The following CDH23 variants were observed in gnomAD, a reference collection of about 807,000 sequenced individuals.
CDH23 encodes cadherin related 23, also known as cadherin-23.
CDH23 carries 189 observed loss-of-function variants against 317.1 expected under a neutral mutation model. That is an observed-to-expected ratio of 0.60 (90% CI 0.53 to 0.67). The LOEUF (loss-of-function observed/expected upper bound fraction) is 0.67, where lower values mean the gene tolerates loss of function less well. Among genes scored for constraint, CDH23 ranks in the 30% least tolerant of loss-of-function variants. The pLI, the probability that CDH23 is intolerant of heterozygous loss-of-function variation, is 0.00. For synonymous variants in CDH23, 1,839 were observed against 1,876.8 expected (o/e 0.98, Z 0.52); for missense variants, 4,401 against 4,592.4 (o/e 0.96, Z 1.20).
At chr10:71,441,573 G>A (rs934866159) in intron 2 of CDH23, among the ~76,000 whole-genome samples, 4 of 152,042 alleles carry the variant, frequency 2.6e-5, no homozygotes, top group African/African-American at 9.7e-5. Flanking sequence ...ACAAAAATTA[G>A]CTGGACATGG....
chr10:71,496,718 C>G (rs1308950655), intron 3 of CDH23, among the ~76,000 whole-genome samples: 1 of 152,192 alleles, frequency 6.6e-6, no homozygotes, highest in Non-Finnish European at 1.5e-5. Context: ...ATCATCAAGA[C>G]CCTGGATATC....
At position 71,806,173 on chromosome 10, in the gene CDH23, C is replaced by A. The variant is rs941177596; in HGVS notation, c.8070C>A (p.Ile2690=). ...CTGTGCTCTTCCGCTCCTAGCTCAT[C>A]TTGGTGGCCAGCGACCTGGGCCAGC... The part of the protein sequence containing the change: ...DRESQAVYSL[I]LVASDLGQPV... The change falls in exon 57 of 70, where the codon ATC becomes ATA. Residue 2690 remains isoleucine, a synonymous_variant. Transcript: ENST00000224721. 1 of 1,562,396 alleles carries A rather than the reference C, an allele frequency of 6.4e-7. No individual in the cohort carries two copies. The highest frequency in any genetic ancestry group is 1.7e-4 in the Middle Eastern group (1 of 6,006).
chr10:71,658,773 G>C (rs546280593), intron 14 of CDH23, among the ~76,000 whole-genome samples: 2 of 152,096 alleles, frequency 1.3e-5, no homozygotes, highest in Non-Finnish European at 1.5e-5. Flanking sequence ...GACCCCAGAC[G>C]GTCTGACCCC....
chr10:71,446,798 G>C (rs1202312739), intron 3 of CDH23, among the ~76,000 whole-genome samples: 1 of 152,178 alleles, frequency 6.6e-6, no homozygotes, highest in Non-Finnish European at 1.5e-5. Context: ...AACTATTTAG[G>C]GGGTGATTAT....
chr10:71,609,566 C>T (rs1860735353), intron 9 of CDH23, among the ~76,000 whole-genome samples: 1 of 152,216 alleles, frequency 6.6e-6, no homozygotes, highest in South Asian at 2.1e-4. Flanking sequence ...CTATCTGACC[C>T]TGCAGACCGT....
chr10:71,500,585 G>A (rs115456795), intron 3 of CDH23, among the ~76,000 whole-genome samples: 2,604 of 152,280 alleles, frequency 0.017, 60 homozygotes, highest in African/African-American at 0.054. Context: ...CCTGGAGGCC[G>A]CCCCCATGGG....
chr10:71,693,496 T>C (rs1865260995), intron 20 of CDH23, among the ~76,000 whole-genome samples: 1 of 152,244 alleles, frequency 6.6e-6, no homozygotes, highest in Non-Finnish European at 1.5e-5. Flanking sequence ...TTTATAACTA[T>C]TAATTATCAA....
Position 71,805,794 on chromosome 10 carries a change from T to TGCTCCCCAC in CDH23, c.7873-11_7873-3dup, listed in dbSNP as rs1308803236. ...AGGGGTCCAGGAGCCTTCCTCCCCA[T>TGCTCCCCAC]GCTCCCCACAGGAGATCCCGCTGCG... On this transcript the variant is annotated splice_polypyrimidine_tract_variant and intron_variant, in intron 55 of 69. Transcript: ENST00000224721. 1.2e-6 allele frequency: 2 copies of TGCTCCCCAC among 1,606,248 alleles called. No homozygotes were observed. Among genetic ancestry groups the TGCTCCCCAC allele is most frequent in the Non-Finnish European group, 1.7e-6 (2 of 1,175,270 alleles).
At chr10:71,697,514 T>C (rs1463497788) in intron 22 of CDH23, among the ~76,000 whole-genome samples, 1 of 152,016 alleles carries the variant, frequency 6.6e-6, no homozygotes, top group Non-Finnish European at 1.5e-5. Context: ...CTTTATAAAA[T>C]TTTTTTTAAG....
intron 7 of CDH23, among the ~76,000 whole-genome samples, chr10:71,569,896 A>G (rs735122): frequency 6.6e-6 from 1 of 150,568 alleles, no homozygotes; most frequent in Non-Finnish European, 1.5e-5. Context: ...TTAAAAAAAA[A>G]TTTTTTTTTT....
At chr10:71,589,355 T>G (rs1859305552) in intron 9 of CDH23, among the ~76,000 whole-genome samples, 1 of 152,186 alleles carries the variant, frequency 6.6e-6, no homozygotes, top group Non-Finnish European at 1.5e-5. Flanking sequence ...CCTGACCTTG[T>G]GATCCACCCA....
intron 3 of CDH23, among the ~76,000 whole-genome samples, chr10:71,459,130 G>C (rs10999820): frequency 0.45 from 61,041 of 134,294 alleles, 13,513 homozygotes; most frequent in East Asian, 0.6. Context: ...CTCTGTCACC[G>C]AGGCTGGCAC....
At chr10:71,800,917 GT>G (rs1841540401) in intron 53 of CDH23, among the ~76,000 whole-genome samples, 162 bp downstream of exon 53, 1 of 152,132 alleles carries the variant, frequency 6.6e-6, no homozygotes, top group South Asian at 2.1e-4. Flanking sequence ...AACTGGATGG[GT>G]TACAATGGCT....
At chr10:71,758,347 G>T (rs1840203806) in intron 38 of CDH23, among the ~76,000 whole-genome samples, 2 of 152,196 alleles carry the variant, frequency 1.3e-5, no homozygotes, top group Non-Finnish European at 2.9e-5. Context: ...CCTAGCAGGG[G>T]CTGGTCCCCA....
At position 71,797,158 on chromosome 10, in the gene CDH23, TC is replaced by T. The variant is rs1200434358; in HGVS notation, c.6768del (p.Thr2257LeufsTer4). ...MNRELVATYE[V>X]TLSVIDNASD... ...CGGGAGCTGGTTGCCACCTATGAGGTCACTCTCTCAGTGATTGACAATGCCA... is the reference window on the plus strand; with the variant it reads ...CGGGAGCTGGTTGCCACCTATGAGGTACTCTCTCAGTGATTGACAATGCCA... On this transcript the variant is annotated frameshift_variant, in exon 49 of 70. Transcript: ENST00000224721. LOFTEE classifies it high-confidence loss of function. The T allele has an allele frequency of 6.2e-7, 1 of 1,613,552 alleles. No homozygotes were observed.
chr10:71,760,168 CATATATATGTGTGTATATATATGTATAT>C lies in CDH23; in HGVS notation c.4846-17510_4846-17483del, dbSNP rs1216409915. 4.3e-3 allele frequency among the ~76,000 whole-genome samples: 65 copies of C among 15,058 alleles called. 21 individuals carry two copies. Among genetic ancestry groups the C allele is most frequent in the African/African-American group, 0.023 (56 of 2,482 alleles). 9.9% of individuals were successfully genotyped at this position (15,058 alleles called of 152,430 possible). On this transcript the variant is annotated intron_variant, in intron 38 of 69. Coordinates refer to ENST00000224721, the MANE Select transcript of CDH23 (RefSeq NM_022124.6). The stretch of plus-strand genomic sequence containing the variant: ...ATATGTGTGTATATATATGTATATA[CATATATATGTGTGTATATATATGTATAT>C]ACATATATATGTGTGTATATATGTG...
At chr10:71,738,999 C>A (rs1305701095) in intron 35 of CDH23, among the ~76,000 whole-genome samples, 2 of 152,230 alleles carry the variant, frequency 1.3e-5, no homozygotes, top group Admixed American at 6.5e-5. Flanking sequence ...TGGCAGGAGG[C>A]GCTTGCTGTC....
chr10:71,646,100 G>T, intron 13 of CDH23, 120 bp downstream of exon 13: 1 of 1,332,876 alleles, frequency 7.5e-7, no homozygotes, highest in Non-Finnish European at 1.0e-6. Flanking sequence ...TTCCCTTGTG[G>T]ATCTGACTCA....
At chr10:71,582,275 T>C (rs1422080153) in intron 9 of CDH23, among the ~76,000 whole-genome samples, 1 of 152,198 alleles carries the variant, frequency 6.6e-6, no homozygotes, top group African/African-American at 2.4e-5. Context: ...ATGTAGCTAC[T>C]GGGCACTTGA....
Sources: allele counts gnomAD v4.1 joint callset (sites outside exome capture counted in the v4.1 genomes callset), GRCh38; gene constraint gnomAD v4.1.1; transcripts MANE v1.5; gene names NCBI Gene and HGNC (gene_info 2026-07-23, HGNC 2026-07-21).